The following SFMBT2 variants were observed in gnomAD, a reference collection of about 807,000 sequenced individuals.
SFMBT2 encodes the protein Scm like with four mbt domains 2.
In SFMBT2, 38 loss-of-function variants were observed where a neutral mutation model predicts 110.1. That is an observed-to-expected ratio of 0.35 (90% CI 0.27 to 0.45). The LOEUF is 0.45. SFMBT2 is among the 20% of genes least tolerant of loss of function. SFMBT2 has a pLI of 1.00. For missense variants in SFMBT2, 1,011 were observed against 1,094.9 expected (o/e 0.92, Z 1.08); for synonymous variants, 425 against 425.4 (o/e 1.00, Z 0.01).
intron 9 of SFMBT2, 124 bp from the exon 10 acceptor site, chr10:7,228,061 C>G: frequency 1.6e-6 from 1 of 634,522 alleles, no homozygotes; most frequent in Non-Finnish European, 2.6e-6. Context: ...CCTAACAGCA[C>G]TTCAGATTTC....
intron 4 of SFMBT2, among the ~76,000 whole-genome samples, chr10:7,294,764 TGC>T: frequency 6.6e-6 from 1 of 152,320 alleles, no homozygotes; most frequent in Middle Eastern, 3.4e-3. Context: ...TCATCCCCAG[TGC>T]TCTCCGTCCT....
chr10:7,235,093 C>T (rs937701700), intron 9 of SFMBT2, among the ~76,000 whole-genome samples: 13 of 152,184 alleles, frequency 8.5e-5, no homozygotes, highest in East Asian at 1.9e-4. Context: ...TTTCCAATTC[C>T]GTGGGACACA....
Position 7,360,886 on chromosome 10 carries a change from T to C in SFMBT2, c.436+6763A>G, listed in dbSNP as rs191280334. Reference sequence around the variant, plus strand: ...AGGGTTACTTTGTTTCCTACCTGAATGTTCCCTCTTTCACACACCATCATC... The same window carrying C: ...AGGGTTACTTTGTTTCCTACCTGAACGTTCCCTCTTTCACACACCATCATC... On this transcript the variant is annotated intron_variant, in intron 4 of 20. Transcript: ENST00000397167. 4.1e-3 allele frequency among the ~76,000 whole-genome samples: 630 copies of C among 152,360 alleles called. 12 individuals carry two copies. The highest frequency in any genetic ancestry group is 5.3e-4 in the Non-Finnish European group (36 of 68,032).
In SFMBT2 at chr10:7,283,963, T is replaced by C. The variant is rs772894174; in HGVS notation, c.713A>G (p.Tyr238Cys). Residue 238 changes from tyrosine (Y) to cysteine (C), a missense_variant, in exon 6 of 21, where the codon TAC (tyrosine) becomes TGC (cysteine). By Grantham distance (194) the Tyr-to-Cys change is radical. Coordinates refer to ENST00000397167, the MANE Select transcript of SFMBT2 (RefSeq NM_001387889.1). The stretch of plus-strand genomic sequence containing the variant: ...ACACCAACCAACTGGTCGAAGTCTG[T>C]AATCCAAGTAAAACAACCACTGGTC... Reference protein sequence around the residue: ...SYDQWLFYLDYRLRPVGWCQE... With the variant: ...SYDQWLFYLDCRLRPVGWCQE... 3.1e-6 allele frequency: 5 copies of C among 1,608,976 alleles called. No individual in the cohort carries two copies. The African/African-American group carries it at 4.0e-5, about 13-fold the overall frequency.
At chr10:7,228,197 T>TG (rs1402351058) in intron 9 of SFMBT2, 1 of 195,418 alleles carries the variant, frequency 5.1e-6, no homozygotes, top group Non-Finnish European at 9.2e-6. Flanking sequence ...CACCAGCCGG[T>TG]GGGGGGATTT....
At chr10:7,369,707 C>T (rs1186315266) in intron 3 of SFMBT2, among the ~76,000 whole-genome samples, 1 of 152,188 alleles carries the variant, frequency 6.6e-6, no homozygotes, top group Non-Finnish European at 1.5e-5. Context: ...ATTACACCTA[C>T]TAAGAATACA....
In SFMBT2 at chr10:7,408,558, C is replaced by T. The variant is rs146929370; in HGVS notation, c.-52+2303G>A. Among the ~76,000 whole-genome samples, 1,621 of 152,286 alleles carry T rather than the reference C, an allele frequency of 0.011. 12 individuals carry two copies. Among genetic ancestry groups the T allele is most frequent in the Non-Finnish European group, 0.016 (1,090 of 67,998 alleles). ...GGCCCGGAGGAGGTCCTCCCACCTGCCCCCGCCAGCCCCGGGGACCGTGCG... is the reference window on the plus strand; with the variant it reads ...GGCCCGGAGGAGGTCCTCCCACCTGTCCCCGCCAGCCCCGGGGACCGTGCG... On this transcript the variant is annotated intron_variant, in intron 1 of 20. Coordinates refer to ENST00000397167, the MANE Select transcript of SFMBT2 (RefSeq NM_001387889.1). The surrounding 1 kb of genome is among the most constrained non-coding windows in gnomAD (Gnocchi z 5.7).
rs542656980 is a variant in SFMBT2 at position 7,249,861 on chromosome 10, C to T, written c.871-1212G>A. ...TCATTTTTCATGTCCCCAGGGCAGT[C>T]GGCAAAGGTCTCTGTTTTGGGGGAT... is the stretch of plus-strand genomic sequence containing the variant. On this transcript the variant is annotated intron_variant, in intron 7 of 20. Coordinates refer to ENST00000397167, the MANE Select transcript of SFMBT2 (RefSeq NM_001387889.1). 2.1e-3 allele frequency among the ~76,000 whole-genome samples: 314 copies of T among 152,256 alleles called. 2 individuals carry two copies. The highest frequency in any genetic ancestry group is 7.3e-3 in the African/African-American group (305 of 41,546).
intron 16 of SFMBT2, among the ~76,000 whole-genome samples, chr10:7,181,839 G>A (rs1026150622): frequency 1.3e-5 from 2 of 152,076 alleles, no homozygotes; most frequent in African/African-American, 4.8e-5. Flanking sequence ...AAAAAAAGGA[G>A]AGGCAAAAGA....
At chr10:7,309,069 G>A (rs1427840951) in intron 4 of SFMBT2, among the ~76,000 whole-genome samples, 1 of 152,128 alleles carries the variant, frequency 6.6e-6, no homozygotes, top group African/African-American at 2.4e-5. Context: ...CATTATTCTG[G>A]GTGCATCCGC....
At chr10:7,372,176 C>T (rs1483685275) in intron 2 of SFMBT2, among the ~76,000 whole-genome samples, 1 of 152,096 alleles carries the variant, frequency 6.6e-6, no homozygotes, top group African/African-American at 2.4e-5. Context: ...CCTCAGCCTC[C>T]CAAAGTGCTG....
Position 7,220,551 on chromosome 10 carries a change from G to C in SFMBT2, c.1204-14C>G, listed in dbSNP as rs778727890. 2 of 1,613,924 alleles carry C rather than the reference G, an allele frequency of 1.2e-6. No individual in the cohort carries two copies. Among genetic ancestry groups the C allele is most frequent in the South Asian group, 2.2e-5 (2 of 91,066 alleles). On this transcript the variant is annotated splice_polypyrimidine_tract_variant and intron_variant, in intron 10 of 20. Coordinates refer to ENST00000397167, the MANE Select transcript of SFMBT2 (RefSeq NM_001387889.1). Reference sequence around the variant, plus strand: ...ACTGAATGATGTCTGCAAGAGAAACGAGACCAACACTGAGCCAGTGCTGAC... The same window carrying C: ...ACTGAATGATGTCTGCAAGAGAAACCAGACCAACACTGAGCCAGTGCTGAC...
At chr10:7,351,709 C>T (rs568731829) in intron 4 of SFMBT2, among the ~76,000 whole-genome samples, 12 of 152,202 alleles carry the variant, frequency 7.9e-5, no homozygotes, top group Non-Finnish European at 1.5e-4. Flanking sequence ...GGCAACTCTT[C>T]GACAGTATTC....
intron 15 of SFMBT2, among the ~76,000 whole-genome samples, chr10:7,192,116 A>G (rs186573696): frequency 1.6e-4 from 25 of 152,276 alleles, no homozygotes; most frequent in African/African-American, 5.8e-4. Context: ...GAGTGTGTTC[A>G]AGTTCACACC....
At chr10:7,296,371 T>A (rs1052011948) in intron 4 of SFMBT2, among the ~76,000 whole-genome samples, 1 of 152,254 alleles carries the variant, frequency 6.6e-6, no homozygotes, top group East Asian at 1.9e-4. Context: ...CTGTCAAGAC[T>A]GAATTGACAT....
chr10:7,248,355 A>T (rs1441008709), intron 8 of SFMBT2, among the ~76,000 whole-genome samples, 193 bp downstream of exon 8: 2 of 152,250 alleles, frequency 1.3e-5, no homozygotes, highest in Admixed American at 6.5e-5. Context: ...ATCTGATTAG[A>T]GTCACTCTGT....
At chr10:7,166,229 A>G (rs988855889) in intron 20 of SFMBT2, among the ~76,000 whole-genome samples, 1 of 152,228 alleles carries the variant, frequency 6.6e-6, no homozygotes, top group Non-Finnish European at 1.5e-5. Context: ...TAATGCCCAG[A>G]AAAGCTAGCC....
At chr10:7,211,366 C>A (rs886372146) in intron 11 of SFMBT2, among the ~76,000 whole-genome samples, 1 of 152,098 alleles carries the variant, frequency 6.6e-6, no homozygotes, top group African/African-American at 2.4e-5. Context: ...ATGTGCTCAC[C>A]GGGAAGTCAC....
intron 4 of SFMBT2, among the ~76,000 whole-genome samples, chr10:7,347,153 T>TA (rs1265160256): frequency 6.6e-6 from 1 of 152,098 alleles, no homozygotes; most frequent in Non-Finnish European, 1.5e-5. Flanking sequence ...GCCCCACAGC[T>TA]AGGGAGTACC....
Sources: allele counts gnomAD v4.1 joint callset (sites outside exome capture counted in the v4.1 genomes callset), GRCh38; gene constraint gnomAD v4.1.1; non-coding constraint Gnocchi (gnomAD v3.1); transcripts MANE v1.5; gene names NCBI Gene and HGNC (gene_info 2026-07-23, HGNC 2026-07-21).